The following LRIG1 variants were observed in gnomAD, a reference collection of about 807,000 sequenced individuals.
LRIG1 encodes the protein leucine rich repeats and immunoglobulin like domains 1.
In LRIG1, 48 loss-of-function variants were observed where a neutral mutation model predicts 99.2. The observed-to-expected ratio is 0.48, with a 90% CI of 0.38 to 0.62. The LOEUF is 0.62. Among genes scored for constraint, LRIG1 ranks in the 20% least tolerant of loss-of-function variants. The pLI is 0.00. For missense variants in LRIG1, 1,646 were observed against 1,434.4 expected (o/e 1.15, Z -2.38); for synonymous variants, 772 against 596.1 (o/e 1.29, Z -4.30).
At chr3:66,384,454 T>C (rs374913301) in intron 13 of LRIG1, among the ~76,000 whole-genome samples, 182 bp from the exon 14 acceptor site, 97 of 152,216 alleles carry the variant, frequency 6.4e-4, no homozygotes, top group African/African-American at 2.1e-3. Flanking sequence ...CCCACCACAG[T>C]TGGAACACTT....
chr3:66,469,697 C>T (rs2106861808), intron 1 of LRIG1, among the ~76,000 whole-genome samples: 1 of 152,284 alleles, frequency 6.6e-6, no homozygotes, highest in East Asian at 1.9e-4. Context: ...ACAAGGTATA[C>T]TGCACTGTGA....
chr3:66,461,703 A>G (rs1043836097), intron 2 of LRIG1, among the ~76,000 whole-genome samples: 2 of 152,226 alleles, frequency 1.3e-5, no homozygotes, highest in South Asian at 2.1e-4. Context: ...TATACTACAT[A>G]TATGTGAAGG....
At chr3:66,435,345 G>T (rs896617392) in intron 3 of LRIG1, among the ~76,000 whole-genome samples, 1 of 152,146 alleles carries the variant, frequency 6.6e-6, no homozygotes, top group African/African-American at 2.4e-5. Flanking sequence ...GATCACTTGA[G>T]GTCAGGAGTT....
rs768052943 is a variant in LRIG1 at position 66,380,408 on chromosome 3, C to A, written c.3137G>T (p.Ser1046Ile). 2.5e-6 allele frequency: 4 copies of A among 1,614,204 alleles called. No homozygotes were observed. Among genetic ancestry groups the A allele is most frequent in the Admixed American group, 1.7e-5 (1 of 60,030 alleles). Residue 1046 changes from serine to isoleucine, a missense_variant, in exon 19 of 19, where the codon AGT (serine) becomes ATT (isoleucine). By Grantham distance (142) the Ser-to-Ile change is moderately radical (BLOSUM62 -2). Transcript: ENST00000273261. ...LQPASSLTSG[S>I]PERAEAQYLL... is the part of the protein sequence containing the mutation. ...GTACTGGGCTTCCGCGCGCTCTGGA[C>A]TGCCTGAAGTTAATGAAGATGCAGG...
chr3:66,457,131 T>C (rs1700245915), intron 2 of LRIG1, among the ~76,000 whole-genome samples: 1 of 152,166 alleles, frequency 6.6e-6, no homozygotes, highest in Admixed American at 6.5e-5. Context: ...TGCCAGCCTG[T>C]GGCTCCATTC....
At chr3:66,385,278 CCA>C (rs754477226) in intron 13 of LRIG1, among the ~76,000 whole-genome samples, 20 of 152,286 alleles carry the variant, frequency 1.3e-4, no homozygotes, top group Non-Finnish European at 2.8e-4. Flanking sequence ...GCCTTGCACT[CCA>C]CAGTCTCTGG....
chr3:66,409,286 G>A (rs1702390090), intron 7 of LRIG1, among the ~76,000 whole-genome samples: 1 of 152,192 alleles, frequency 6.6e-6, no homozygotes, highest in African/African-American at 2.4e-5. Flanking sequence ...GGAAAGAACA[G>A]TGAAAACACA....
chr3:66,443,158 T>G (rs745406559), intron 3 of LRIG1, among the ~76,000 whole-genome samples: 1 of 151,800 alleles, frequency 6.6e-6, no homozygotes, highest in Non-Finnish European at 1.5e-5. Context: ...TCTTTGTAAA[T>G]TGGGTGTTTA....
intron 3 of LRIG1, among the ~76,000 whole-genome samples, chr3:66,418,060 G>A (rs1403927433): frequency 6.6e-6 from 1 of 151,988 alleles, no homozygotes; most frequent in Non-Finnish European, 1.5e-5. Context: ...AGACAGGAAT[G>A]TTCCACTGTA....
intron 12 of LRIG1, among the ~76,000 whole-genome samples, chr3:66,391,824 A>G (rs140167025): frequency 6.6e-6 from 1 of 152,260 alleles, no homozygotes; most frequent in East Asian, 1.9e-4. Flanking sequence ...CTACACTACA[A>G]CTCACTCATC....
At chr3:66,429,874 G>A (rs1703105434) in intron 3 of LRIG1, among the ~76,000 whole-genome samples, 1 of 141,882 alleles carries the variant, frequency 7.0e-6, no homozygotes, top group Non-Finnish European at 1.5e-5. Flanking sequence ...CTCCATTTCT[G>A]TAAACTTACA....
intron 17 of LRIG1, 131 bp downstream of exon 17, chr3:66,381,348 T>TA (rs1198465488): frequency 1.2e-6 from 1 of 809,084 alleles, no homozygotes; most frequent in East Asian, 2.5e-5. Context: ...GAGCTTCCCC[T>TA]GTATATACTG....
At chr3:66,412,422 C>G (rs1015548554) in intron 6 of LRIG1, among the ~76,000 whole-genome samples, 43 of 152,286 alleles carry the variant, frequency 2.8e-4, no homozygotes, top group African/African-American at 1.0e-3. Flanking sequence ...GCAGAATGGC[C>G]CCCAAACTCC....
At chr3:66,480,169 C>T (rs919835528) in intron 1 of LRIG1, among the ~76,000 whole-genome samples, 9 of 152,152 alleles carry the variant, frequency 5.9e-5, no homozygotes, top group Admixed American at 2.6e-4. Flanking sequence ...ATAATATGGA[C>T]GAATCATGAC....
In LRIG1 at chr3:66,380,454, G is replaced by A; in HGVS notation, c.3091C>T (p.Pro1031Ser). Residue 1031 changes from proline to serine, a missense_variant, in exon 19 of 19, where the codon CCG becomes TCG. By Grantham distance (74) the Pro-to-Ser change is moderately conservative. Transcript: ENST00000273261. ...GCAGGCTGTAGCTCTGTGGAGTCCGGGTGATACAACCTTGCTAAAGTCCAG... is the reference window on the plus strand; with the variant it reads ...GCAGGCTGTAGCTCTGTGGAGTCCGAGTGATACAACCTTGCTAAAGTCCAG... ...SSWTLARLYH[P>S]DSTELQPASS... The A allele has an allele frequency of 1.2e-6, 2 of 1,614,126 alleles. No individual in the cohort carries two copies. Among genetic ancestry groups the A allele is most frequent in the Non-Finnish European group, 8.5e-7 (1 of 1,180,022 alleles).
intron 3 of LRIG1, among the ~76,000 whole-genome samples, chr3:66,443,328 A>AG (rs145468660): frequency 1.6e-4 from 5 of 30,906 alleles, no homozygotes; most frequent in African/African-American, 4.2e-4. Context: ...GGGATGAGTG[A>AG]GGGGCGGGGG....
At chr3:66,455,947 CAATATCTCAGTG>C (rs2106820393) in intron 2 of LRIG1, among the ~76,000 whole-genome samples, 1 of 152,330 alleles carries the variant, frequency 6.6e-6, no homozygotes, top group East Asian at 1.9e-4. Context: ...TTTCTATGTG[CAATATCTCAGTG>C]AATGACATGC....
intron 2 of LRIG1, among the ~76,000 whole-genome samples, chr3:66,459,735 A>G (rs891099317): frequency 3.9e-5 from 6 of 152,198 alleles, no homozygotes; most frequent in African/African-American, 9.7e-5. Context: ...TTGGGTAGGG[A>G]GGGGCACAAA....
At chr3:66,445,771 G>C (rs1228659853) in intron 3 of LRIG1, among the ~76,000 whole-genome samples, 4 of 152,212 alleles carry the variant, frequency 2.6e-5, no homozygotes, top group African/African-American at 9.6e-5. Context: ...AGAAGGACAA[G>C]ACGTCTCAAC....
Sources: gnomAD v4.1 joint callset for allele counts (sites outside exome capture counted in the v4.1 genomes callset) on GRCh38, gnomAD v4.1.1 for gene constraint, MANE v1.5 for transcripts, NCBI Gene and HGNC (gene_info 2026-07-23, HGNC 2026-07-21) for gene names.